Variants in INVS observed in about 807,000 individuals in gnomAD.
INVS encodes the protein inversion of embryo turning homolog.
INVS carries 86 observed loss-of-function variants against 108.8 expected under a neutral mutation model. That is an observed-to-expected ratio of 0.79 (90% CI 0.66 to 0.95). The LOEUF (loss-of-function observed/expected upper bound fraction) is 0.95. Among genes scored for constraint, INVS ranks in the 40% least tolerant of loss-of-function variants. The pLI is 0.00. For missense variants in INVS, 1,169 were observed against 1,297.4 expected (o/e 0.90, Z 1.52); for synonymous variants, 455 against 473.5 (o/e 0.96, Z 0.51).
intron 3 of INVS, among the ~76,000 whole-genome samples, chr9:100,200,151 G>A (rs1221960344): frequency 2.6e-5 from 4 of 151,992 alleles, no homozygotes; most frequent in Non-Finnish European, 5.9e-5. Context: ...TTCTTTTTAT[G>A]TAATTTTTCT....
At chr9:100,130,750 T>G (rs934359850) in intron 3 of INVS, 1 of 152,198 alleles carries the variant, frequency 6.6e-6, no homozygotes, top group Admixed American at 6.5e-5. Context: ...ATACCTTCAT[T>G]CATTCAACAT....
intron 3 of INVS, among the ~76,000 whole-genome samples, chr9:100,174,640 A>T (rs1302555127): frequency 6.6e-6 from 1 of 152,156 alleles, no homozygotes; most frequent in African/African-American, 2.4e-5. Flanking sequence ...TTGGCCAGGC[A>T]TGGTAGCTCA....
chr9:100,221,154 A>G (rs1041885476), intron 3 of INVS, among the ~76,000 whole-genome samples: 2 of 152,192 alleles, frequency 1.3e-5, no homozygotes, highest in African/African-American at 2.4e-5. Context: ...AAAGGGTCAC[A>G]CAACCTTCAG....
At chr9:100,189,801 G>T (rs1212518987) in intron 3 of INVS, among the ~76,000 whole-genome samples, 1 of 151,814 alleles carries the variant, frequency 6.6e-6, no homozygotes, top group African/African-American at 2.4e-5. Flanking sequence ...TGTCGGCCAG[G>T]TTGGTCTTGA....
intron 5 of INVS, among the ~76,000 whole-genome samples, chr9:100,230,806 C>G (rs188346636): frequency 2.6e-4 from 40 of 152,336 alleles, no homozygotes; most frequent in African/African-American, 9.1e-4. Flanking sequence ...CGTGAGCCAA[C>G]GTGTCCGACC....
rs58547650 is a variant in INVS at position 100,258,413 on chromosome 9, G to A, written c.1464+5277G>A. ...GTCTGAAGCCTACTTCTGTCGACTC[G>A]TCAAAGTCATTCTCCATCCAGCTTT... is the stretch of plus-strand genomic sequence containing the variant. On this transcript the variant is annotated intron_variant, in intron 10 of 16. Coordinates refer to ENST00000262457, the MANE Select transcript of INVS (RefSeq NM_014425.5). 8.1e-3 allele frequency among the ~76,000 whole-genome samples: 1,226 copies of A among 152,278 alleles called. 12 individuals are homozygous for A. The highest frequency in any genetic ancestry group is 0.027 in the African/African-American group (1,120 of 41,566).
At chr9:100,113,539 G>C (rs1303799654) in intron 2 of INVS, among the ~76,000 whole-genome samples, 5 of 151,976 alleles carry the variant, frequency 3.3e-5, no homozygotes, top group Non-Finnish European at 1.5e-5. Flanking sequence ...AAACAACCCA[G>C]GCATTTATCT....
chr9:100,129,563 A>G (rs1269725449), intron 3 of INVS: 1 of 510,752 alleles, frequency 2.0e-6, no homozygotes, highest in East Asian at 3.1e-5. Context: ...GAAACCAACA[A>G]GACACTTTCA....
intron 12 of INVS, among the ~76,000 whole-genome samples, chr9:100,277,951 T>A (rs1311740499): frequency 6.6e-6 from 1 of 152,158 alleles, no homozygotes; most frequent in African/African-American, 2.4e-5. Flanking sequence ...AGGAATTTTT[T>A]AAATTATGTG....
At chr9:100,262,228 C>A (rs1220797257) in intron 10 of INVS, among the ~76,000 whole-genome samples, 1 of 121,742 alleles carries the variant, frequency 8.2e-6, no homozygotes, top group African/African-American at 3.2e-5. Context: ...CAAGGTAAGG[C>A]TAACCTTGTC....
At chr9:100,272,811 C>A (rs1832996291) in intron 11 of INVS, 53 bp from the exon 12 acceptor site, 1 of 1,465,666 alleles carries the variant, frequency 6.8e-7, no homozygotes, top group Non-Finnish European at 9.6e-7. Flanking sequence ...TTTAACTGTG[C>A]CTTAAATTAC....
rs550129402 is a variant in INVS at position 100,175,897 on chromosome 9, G to A, written c.273+49348G>A. The stretch of plus-strand genomic sequence containing the variant: ...AGGAATCTCTGCAAGTCCTGCATGC[G>A]GTTCCAGCAAATTCTTCTCTCAGTG... On this transcript the variant is annotated intron_variant, in intron 3 of 16. Transcript: ENST00000262457. The A allele has an allele frequency of 1.4e-4, 84 of 595,648 alleles. No homozygotes were observed. The Middle Eastern group carries it at 3.1e-3, about 22-fold the overall frequency. 36.9% of individuals were successfully genotyped at this position (595,648 alleles called of 1,614,324 possible). A position where few individuals can be genotyped will look rare whatever the true frequency, so the allele number is the denominator to read the frequency against.
At chr9:100,290,737 A>G (rs2118753164) in intron 13 of INVS, among the ~76,000 whole-genome samples, 1 of 150,636 alleles carries the variant, frequency 6.6e-6, no homozygotes, top group East Asian at 2.0e-4. Context: ...TTATTGAGAC[A>G]TAGTCTCACT....
At chr9:100,161,684 AG>A (rs1829195193) in intron 3 of INVS, among the ~76,000 whole-genome samples, 1 of 152,172 alleles carries the variant, frequency 6.6e-6, no homozygotes, top group Non-Finnish European at 1.5e-5. Context: ...ACCTTGGGGC[AG>A]AAGGTTAGGA....
chr9:100,121,004 G>A (rs1827711121), intron 2 of INVS: 1 of 152,110 alleles, frequency 6.6e-6, no homozygotes, highest in African/African-American at 2.4e-5. Context: ...GAACTATGTA[G>A]CCCAGAAAGA....
At chr9:100,188,139 C>T (rs563939442) in intron 3 of INVS, among the ~76,000 whole-genome samples, 1 of 152,212 alleles carries the variant, frequency 6.6e-6, no homozygotes, top group East Asian at 1.9e-4. Flanking sequence ...ATAGTTTGAC[C>T]TTCTCATTTC....
intron 3 of INVS, among the ~76,000 whole-genome samples, chr9:100,201,009 G>A (rs1830514573): frequency 6.6e-6 from 1 of 152,236 alleles, no homozygotes; most frequent in Non-Finnish European, 1.5e-5. Context: ...AGACAATACT[G>A]TCAAGCAGTC....
chr9:100,214,650 G>T (rs1451356453), intron 3 of INVS, among the ~76,000 whole-genome samples: 1 of 152,142 alleles, frequency 6.6e-6, no homozygotes, highest in Non-Finnish European at 1.5e-5. Flanking sequence ...TATACAACGG[G>T]GTCCACATTC....
chr9:100,257,215 G>T (rs1471148984), intron 10 of INVS, among the ~76,000 whole-genome samples: 2 of 152,116 alleles, frequency 1.3e-5, no homozygotes, highest in South Asian at 2.1e-4. Flanking sequence ...TGTTTTATCA[G>T]AGACTAGGAT....
Sources: gnomAD v4.1 joint callset for allele counts (sites outside exome capture counted in the v4.1 genomes callset) on GRCh38, gnomAD v4.1.1 for gene constraint, MANE v1.5 for transcripts, NCBI Gene and HGNC (gene_info 2026-07-23, HGNC 2026-07-21) for gene names.